Variants in DSCAM observed in about 807,000 individuals in gnomAD.
The protein encoded by DSCAM is DS cell adhesion molecule.
A neutral mutation model predicts 217.7 loss-of-function variants in DSCAM; 47 were observed. The ratio of observed to expected loss-of-function variants is 0.22; its 90% CI spans 0.17 to 0.28. DSCAM has a LOEUF of 0.28. Among genes scored for constraint, DSCAM ranks in the 10% least tolerant of loss-of-function variants. The probability of loss-of-function intolerance (pLI) is 1.00; values close to 1 mark genes in which losing one functional copy is unlikely to be tolerated. For missense variants in DSCAM, 2,080 were observed against 2,618.3 expected (o/e 0.79, Z 4.49); for synonymous variants, 1,056 against 1,015.3 (o/e 1.04, Z -0.76).
At chr21:40,060,357 A>G (rs1320218999) in intron 28 of DSCAM, among the ~76,000 whole-genome samples, 1 of 152,238 alleles carries the variant, frequency 6.6e-6, no homozygotes, top group Non-Finnish European at 1.5e-5. Context: ...GAGAAGAGAA[A>G]AAGCAAATCA....
At position 40,368,026 on chromosome 21, in the gene DSCAM, TCAGCATGAAGATAAAAAAGGTCACCTGAA is replaced by T; in HGVS notation, c.655+1044_655+1072del. Among the ~76,000 whole-genome samples the T allele has an allele frequency of 2.6e-5, 4 of 152,314 alleles. No individual in the cohort carries two copies. The East Asian group carries it at 7.7e-4, about 29-fold the overall frequency. On this transcript the variant is annotated intron_variant, in intron 4 of 32. Coordinates refer to ENST00000400454, the MANE Select transcript of DSCAM (RefSeq NM_001389.5). ...CATTTAAAAATCAACACTTGATGATTCAGCATGAAGATAAAAAAGGTCACCTGAAACAGAAAGACGGGCTCTTAGATCAT... is the reference window on the plus strand; with the variant it reads ...CATTTAAAAATCAACACTTGATGATTACAGAAAGACGGGCTCTTAGATCAT...
intron 3 of DSCAM, among the ~76,000 whole-genome samples, chr21:40,690,291 T>C (rs922359733): frequency 3.9e-5 from 6 of 152,200 alleles, no homozygotes; most frequent in Non-Finnish European, 7.3e-5. Flanking sequence ...ATTTCCAGAC[T>C]TTCTATTAGC....
chr21:40,389,524 TATTG>T (rs1205472325), intron 3 of DSCAM, among the ~76,000 whole-genome samples: 3 of 152,342 alleles, frequency 2.0e-5, no homozygotes, highest in East Asian at 3.9e-4. Context: ...TGTCCAGGTA[TATTG>T]ATTAAATTAT....
At chr21:40,406,895 A>G (rs1179517278) in intron 3 of DSCAM, among the ~76,000 whole-genome samples, 1 of 152,096 alleles carries the variant, frequency 6.6e-6, no homozygotes, top group East Asian at 1.9e-4. Flanking sequence ...CTGGGATTAC[A>G]TATGTGAGCC....
At chr21:40,725,636 A>G (rs914999944) in intron 1 of DSCAM, among the ~76,000 whole-genome samples, 2 of 152,218 alleles carry the variant, frequency 1.3e-5, no homozygotes, top group Non-Finnish European at 1.5e-5. Flanking sequence ...GGACAATGCA[A>G]TCAACACTTA....
chr21:40,276,469 CAG>C (rs985881462), intron 10 of DSCAM, among the ~76,000 whole-genome samples, 199 bp from the exon 11 acceptor site: 54 of 152,162 alleles, frequency 3.5e-4, no homozygotes, highest in African/African-American at 1.3e-3. Context: ...TTTAAAATGA[CAG>C]TATCTCAGAC....
At chr21:40,166,952 A>C (rs1415526843) in intron 16 of DSCAM, among the ~76,000 whole-genome samples, 1 of 151,056 alleles carries the variant, frequency 6.6e-6, no homozygotes, top group African/African-American at 2.4e-5. Context: ...ATTTCTGTAG[A>C]GACCACTGCT....
At chr21:40,763,985 A>T (rs1286186926) in intron 1 of DSCAM, among the ~76,000 whole-genome samples, 1 of 152,238 alleles carries the variant, frequency 6.6e-6, no homozygotes, top group Non-Finnish European at 1.5e-5. Flanking sequence ...CTAAAACCAT[A>T]AAAACCCTAA....
intron 3 of DSCAM, among the ~76,000 whole-genome samples, chr21:40,429,983 A>G (rs1276428095): frequency 6.6e-6 from 1 of 152,240 alleles, no homozygotes; most frequent in African/African-American, 2.4e-5. Flanking sequence ...CAACTCTATT[A>G]AAAGTCATTA....
chr21:40,178,127 G>A (rs999701809), intron 15 of DSCAM, among the ~76,000 whole-genome samples: 1 of 152,182 alleles, frequency 6.6e-6, no homozygotes, highest in South Asian at 2.1e-4. Context: ...GCCAGGAGGC[G>A]GGCTGACAAT....
At chr21:40,024,800 A>T (rs1184387979) in intron 32 of DSCAM, among the ~76,000 whole-genome samples, 21 of 76,268 alleles carry the variant, frequency 2.8e-4, no homozygotes, top group African/African-American at 9.9e-4. Context: ...TAGATACACA[A>T]TCATGTCATC....
intron 8 of DSCAM, among the ~76,000 whole-genome samples, chr21:40,313,846 T>A (rs1352184908): frequency 6.6e-6 from 1 of 152,182 alleles, no homozygotes; most frequent in Non-Finnish European, 1.5e-5. Flanking sequence ...CTAAGATGAT[T>A]AATCATGTGA....
intron 1 of DSCAM, among the ~76,000 whole-genome samples, chr21:40,748,926 T>C (rs1428894127): frequency 2.6e-5 from 4 of 152,014 alleles, no homozygotes; most frequent in African/African-American, 9.7e-5. Flanking sequence ...GAAATAAATA[T>C]ATGTATGTAT....
intron 3 of DSCAM, among the ~76,000 whole-genome samples, chr21:40,660,797 A>G (rs2090130625): frequency 6.6e-6 from 1 of 152,258 alleles, no homozygotes; most frequent in South Asian, 2.1e-4. Flanking sequence ...AGTCAAGACA[A>G]TAAGACAACA....
chr21:40,028,761 G>A (rs568233709), intron 32 of DSCAM, among the ~76,000 whole-genome samples: 2 of 152,144 alleles, frequency 1.3e-5, no homozygotes, highest in Non-Finnish European at 2.9e-5. Flanking sequence ...GATGAACCCG[G>A]TACCTCAGAT....
At chr21:40,695,830 A>T (rs2090588802) in intron 2 of DSCAM, among the ~76,000 whole-genome samples, 1 of 152,300 alleles carries the variant, frequency 6.6e-6, no homozygotes, top group African/African-American at 2.4e-5. Flanking sequence ...TAGTTTTTTA[A>T]AAAAATGCAA....
intron 3 of DSCAM, among the ~76,000 whole-genome samples, chr21:40,464,387 G>A (rs2075828117): frequency 6.6e-6 from 1 of 152,162 alleles, no homozygotes; most frequent in South Asian, 2.1e-4. Flanking sequence ...GGGAAAAATA[G>A]AGAACAGGCT....
chr21:40,223,180 A>G lies in DSCAM; in HGVS notation c.2357-33942T>C, dbSNP rs117323722. Among the ~76,000 whole-genome samples, 567 of 152,212 alleles carry G rather than the reference A, an allele frequency of 3.7e-3. 2 individuals are homozygous for G. Among genetic ancestry groups the G allele is most frequent in the Middle Eastern group, 6.8e-3 (2 of 294 alleles). On this transcript the variant is annotated intron_variant, in intron 11 of 32. Transcript: ENST00000400454. ...AGCCAAGAGGAAGGTGCAGGATTGG[A>G]GTTGCCTCCTGAGACTCACCCTCAG...
chr21:40,138,418 GGTGCGTGTGGGGT>G (rs1438939473), intron 18 of DSCAM, among the ~76,000 whole-genome samples: 1 of 141,628 alleles, frequency 7.1e-6, no homozygotes, highest in Non-Finnish European at 1.5e-5. Flanking sequence ...GTATGTGGGG[GGTGCGTGTGGGGT>G]GTGCGTGGTG....
Sources: allele counts gnomAD v4.1 joint callset (sites outside exome capture counted in the v4.1 genomes callset), GRCh38; gene constraint gnomAD v4.1.1; transcripts MANE v1.5; gene names NCBI Gene and HGNC (gene_info 2026-07-23, HGNC 2026-07-21).